Variants in PRKG1 observed in about 807,000 individuals in gnomAD.
PRKG1 encodes protein kinase cGMP-dependent 1.
PRKG1 carries 35 observed loss-of-function variants against 88.1 expected under a neutral mutation model. The ratio of observed to expected loss-of-function variants is 0.40; its 90% CI spans 0.30 to 0.53. The LOEUF is 0.53. Among genes scored for constraint, PRKG1 ranks in the 20% least tolerant of loss-of-function variants. The probability of loss-of-function intolerance (pLI) is 0.59; values close to 1 mark genes in which losing one functional copy is unlikely to be tolerated. For missense variants in PRKG1, 540 were observed against 839.8 expected (o/e 0.64, Z 4.41); for synonymous variants, 303 against 292.5 (o/e 1.04, Z -0.37).
chr10:51,943,937 C>T (rs1019245166), intron 5 of PRKG1, among the ~76,000 whole-genome samples: 20 of 151,796 alleles, frequency 1.3e-4, no homozygotes, highest in African/African-American at 3.4e-4. Flanking sequence ...TGTCTCTGCC[C>T]GGCTTTGGTA....
At chr10:51,249,140 G>A (rs964657378) in intron 2 of PRKG1, among the ~76,000 whole-genome samples, 13 of 151,812 alleles carry the variant, frequency 8.6e-5, no homozygotes, top group African/African-American at 3.1e-4. Flanking sequence ...TAGCAGCCAT[G>A]GTTAACTTAC....
intron 3 of PRKG1, among the ~76,000 whole-genome samples, chr10:51,795,669 C>T (rs890022764): frequency 3.3e-5 from 5 of 152,004 alleles, no homozygotes; most frequent in South Asian, 2.1e-4. Flanking sequence ...TGATCACAGA[C>T]GAGTCAAGCA....
chr10:51,006,794 T>A (rs1842945052), intron 1 of PRKG1, among the ~76,000 whole-genome samples: 1 of 152,156 alleles, frequency 6.6e-6, no homozygotes, highest in South Asian at 2.1e-4. Flanking sequence ...TATATTTAGC[T>A]GTGCTAAGAC....
At chr10:51,807,335 G>A (rs1839333208) in intron 4 of PRKG1, among the ~76,000 whole-genome samples, 2 of 152,206 alleles carry the variant, frequency 1.3e-5, no homozygotes, top group African/African-American at 4.8e-5. Context: ...CTATTCTTCG[G>A]TACAAGTCAC....
chr10:51,729,706 CAAAAAAAAAAA>C (rs34900286), intron 3 of PRKG1, among the ~76,000 whole-genome samples: 4 of 28,778 alleles, frequency 1.4e-4, no homozygotes, highest in South Asian at 3.6e-3. Flanking sequence ...GACTCCATCT[CAAAAAAAAAAA>C]AAAAAAAAAA....
intron 9 of PRKG1, among the ~76,000 whole-genome samples, chr10:52,184,435 C>T (rs1310093860): frequency 6.6e-6 from 1 of 152,094 alleles, no homozygotes; most frequent in Admixed American, 6.5e-5. Flanking sequence ...CAGTGTTTAT[C>T]AAATTATAAT....
chr10:51,540,649 A>G (rs536616317), intron 3 of PRKG1, among the ~76,000 whole-genome samples: 21 of 152,144 alleles, frequency 1.4e-4, no homozygotes, highest in Non-Finnish European at 2.5e-4. Flanking sequence ...TATACTTTTA[A>G]GTAATCATGA....
intron 2 of PRKG1, among the ~76,000 whole-genome samples, chr10:51,446,222 T>C (rs76686623): frequency 0.028 from 4,223 of 152,082 alleles, 141 homozygotes; most frequent in African/African-American, 0.057. Flanking sequence ...ATCCTAGAAT[T>C]ACCTTACCAC....
chr10:51,376,881 T>C (rs905828659), intron 2 of PRKG1, among the ~76,000 whole-genome samples: 1 of 152,184 alleles, frequency 6.6e-6, no homozygotes, highest in African/African-American at 2.4e-5. Context: ...TTCACCATGT[T>C]GGCCAGACTG....
At chr10:51,677,216 A>G (rs549332086) in intron 3 of PRKG1, among the ~76,000 whole-genome samples, 142 of 151,960 alleles carry the variant, frequency 9.3e-4, no homozygotes, top group Non-Finnish European at 1.5e-3. Context: ...TATTTCTTTC[A>G]TTTTTATTGT....
At chr10:52,238,208 A>G (rs1840743265) in intron 9 of PRKG1, among the ~76,000 whole-genome samples, 2 of 104,574 alleles carry the variant, frequency 1.9e-5, no homozygotes, top group African/African-American at 3.8e-5. Flanking sequence ...ACCTAAAACC[A>G]TAAAAACCCT....
intron 2 of PRKG1, among the ~76,000 whole-genome samples, chr10:51,257,828 C>A (rs1204957678): frequency 6.6e-6 from 1 of 152,138 alleles, no homozygotes; most frequent in Admixed American, 6.5e-5. Context: ...GGGCAGTGAG[C>A]ATAGTGCTCA....
intron 2 of PRKG1, among the ~76,000 whole-genome samples, chr10:51,324,493 C>T (rs185621622): frequency 2.7e-5 from 4 of 150,302 alleles, no homozygotes; most frequent in South Asian, 4.2e-4. Flanking sequence ...CACGCCAGGC[C>T]GAGGCAGGCA....
intron 1 of PRKG1, among the ~76,000 whole-genome samples, chr10:51,121,477 A>G (rs1382412143): frequency 6.6e-6 from 1 of 152,178 alleles, no homozygotes; most frequent in African/African-American, 2.4e-5. Context: ...TAAATACAGG[A>G]GGGAAGAACT....
At chr10:51,004,324 G>T (rs999678022) in intron 1 of PRKG1, among the ~76,000 whole-genome samples, 1 of 152,058 alleles carries the variant, frequency 6.6e-6, no homozygotes, top group Non-Finnish European at 1.5e-5. Flanking sequence ...TTATCCGGAC[G>T]TGGTGGTGCC....
chr10:51,487,839 A>G (rs187138949), intron 3 of PRKG1, among the ~76,000 whole-genome samples: 60 of 152,286 alleles, frequency 3.9e-4, no homozygotes, highest in African/African-American at 1.4e-3. Flanking sequence ...GTTATCCTGA[A>G]TATATACTCA....
intron 2 of PRKG1, among the ~76,000 whole-genome samples, chr10:51,406,584 T>C (rs779662018): frequency 6.6e-6 from 1 of 151,312 alleles, no homozygotes; most frequent in East Asian, 1.9e-4. Flanking sequence ...TTATGTTAAC[T>C]ACTAGGCTTC....
intron 2 of PRKG1, among the ~76,000 whole-genome samples, chr10:51,184,208 CTTA>C (rs1370353083): frequency 1.3e-5 from 2 of 152,178 alleles, no homozygotes; most frequent in Non-Finnish European, 2.9e-5. Context: ...GATTCTCTCC[CTTA>C]TTATATTCCA....
intron 5 of PRKG1, among the ~76,000 whole-genome samples, chr10:52,016,179 A>C (rs1845035041): frequency 6.6e-6 from 1 of 152,186 alleles, no homozygotes; most frequent in Non-Finnish European, 1.5e-5. Flanking sequence ...TGCTATAAGG[A>C]TACTACCTAA....
Sources: gnomAD v4.1 joint callset for allele counts (sites outside exome capture counted in the v4.1 genomes callset) on GRCh38, gnomAD v4.1.1 for gene constraint, MANE v1.5 for transcripts, NCBI Gene and HGNC (gene_info 2026-07-23, HGNC 2026-07-21) for gene names.